The following PRKAA2 variants were observed in gnomAD, a reference collection of about 807,000 sequenced individuals.
PRKAA2 encodes the protein protein kinase AMP-activated catalytic subunit alpha 2.
PRKAA2 carries 40 observed loss-of-function variants against 56.3 expected under a neutral mutation model. The observed-to-expected ratio is 0.71, with a 90% CI of 0.55 to 0.92. The LOEUF is 0.92. Ranked by LOEUF, PRKAA2 falls within the 40% of genes least tolerant of loss-of-function variation. The pLI is 0.00. For synonymous variants in PRKAA2, 214 were observed against 234.2 expected, an observed-to-expected ratio of 0.91 and a Z score of 0.79; for missense variants, 542 against 686.9, an observed-to-expected ratio of 0.79 and a Z score of 2.36.
rs1286114328 is a variant in PRKAA2 at position 56,712,407 on chromosome 1, G to A, written c.*4694G>A. ...ATTTTAAGCAGTTGATTGTACTAAC[G>A]AGATGTAATTATCTGAAGTATTTAT... On this transcript the variant is annotated 3_prime_UTR_variant, in exon 9 of 9. Transcript: ENST00000371244. 3.9e-5 allele frequency: 6 copies of A among 152,268 alleles called. No homozygotes were observed. Among genetic ancestry groups the A allele is most frequent in the South Asian group, 2.1e-4 (1 of 4,820 alleles). 9.4% of individuals were successfully genotyped at this position (152,268 alleles called of 1,614,324 possible).
At chr1:56,663,076 G>A (rs1274157073) in intron 1 of PRKAA2, among the ~76,000 whole-genome samples, 1 of 151,876 alleles carries the variant, frequency 6.6e-6, no homozygotes, top group Non-Finnish European at 1.5e-5. Context: ...TCTGTTTTTT[G>A]TTTGTTTGTT....
chr1:56,673,339 A>G (rs911292597), intron 1 of PRKAA2, among the ~76,000 whole-genome samples: 1 of 152,192 alleles, frequency 6.6e-6, no homozygotes, highest in African/African-American at 2.4e-5. Context: ...ACTGCACTGC[A>G]TTCCAGCCTG....
rs909717665 is a variant in PRKAA2, at chr1:56,689,427, A to G, written c.237-1967A>G. Among the ~76,000 whole-genome samples, 4 of 152,212 alleles carry G rather than the reference A, an allele frequency of 2.6e-5. No homozygotes were observed. In the South Asian group the frequency reaches 6.2e-4, roughly 24 times the overall value. On this transcript the variant is annotated intron_variant, in intron 2 of 8. Transcript: ENST00000371244. ...AAGACTAATGATTGCCATTCAAAAT[A>G]TTTCTTCTGGCCAGGCTTGGTGGCT... is the stretch of plus-strand genomic sequence containing the variant.
intron 1 of PRKAA2, among the ~76,000 whole-genome samples, chr1:56,646,312 T>A (rs1044899486): frequency 6.6e-6 from 1 of 152,140 alleles, no homozygotes; most frequent in Non-Finnish European, 1.5e-5. Context: ...ATGGGAAGAC[T>A]TCTAGGGTAA....
intron 6 of PRKAA2, among the ~76,000 whole-genome samples, chr1:56,699,625 A>G (rs560352042): frequency 2.2e-4 from 34 of 152,316 alleles, no homozygotes; most frequent in Non-Finnish European, 8.8e-5. Context: ...CATATCATAA[A>G]TTTATCCCTT....
chr1:56,665,373 C>A (rs1644028124), intron 1 of PRKAA2, among the ~76,000 whole-genome samples: 1 of 152,162 alleles, frequency 6.6e-6, no homozygotes, highest in Non-Finnish European at 1.5e-5. Context: ...CACACCCAGC[C>A]TAGCTAGTAC....
At chr1:56,669,945 C>T (rs1488777044) in intron 1 of PRKAA2, among the ~76,000 whole-genome samples, 2 of 152,122 alleles carry the variant, frequency 1.3e-5, no homozygotes, top group African/African-American at 4.8e-5. Context: ...TTCACCTTAT[C>T]AAACGTAAAA....
intron 1 of PRKAA2, among the ~76,000 whole-genome samples, chr1:56,652,416 A>C (rs1643908785): frequency 6.6e-6 from 1 of 152,168 alleles, no homozygotes; most frequent in Non-Finnish European, 1.5e-5. Context: ...CGGCCTCCCA[A>C]AGTGCTGGGA....
At chr1:56,659,891 A>AAG (rs1643980544) in intron 1 of PRKAA2, among the ~76,000 whole-genome samples, 1 of 152,196 alleles carries the variant, frequency 6.6e-6, no homozygotes, top group African/African-American at 2.4e-5. Flanking sequence ...TTGTGTGACA[A>AAG]AGAGAGACCC....
chr1:56,685,369 G>A (rs1450550874), intron 2 of PRKAA2, among the ~76,000 whole-genome samples: 2 of 152,296 alleles, frequency 1.3e-5, no homozygotes, highest in South Asian at 4.1e-4. Flanking sequence ...GAAAAGGTAT[G>A]AGGAGGTATT....
intron 6 of PRKAA2, among the ~76,000 whole-genome samples, chr1:56,703,405 T>C (rs1644309279): frequency 6.6e-6 from 1 of 152,162 alleles, no homozygotes; most frequent in South Asian, 2.1e-4. Flanking sequence ...TTACTTTATA[T>C]CAAAGACAGC....
rs1220331190 is a variant in PRKAA2, at chr1:56,708,911, A to G, written c.*1198A>G. 2 of 152,088 alleles carry G rather than the reference A, an allele frequency of 1.3e-5. No homozygotes were observed. Among genetic ancestry groups the G allele is most frequent in the African/African-American group, 4.8e-5 (2 of 41,444 alleles). 9.4% of individuals were successfully genotyped at this position (152,088 alleles called of 1,614,324 possible). ...AAATAAATATATATATTCACACACCAGTGCTTTTAAGCAAAAACCAGTTTT... is the reference window on the plus strand; with the variant it reads ...AAATAAATATATATATTCACACACCGGTGCTTTTAAGCAAAAACCAGTTTT... On this transcript the variant is annotated 3_prime_UTR_variant, in exon 9 of 9. Transcript: ENST00000371244.
intron 2 of PRKAA2, among the ~76,000 whole-genome samples, chr1:56,683,219 T>C (rs1399688729): frequency 6.6e-6 from 1 of 151,904 alleles, no homozygotes; most frequent in African/African-American, 2.4e-5. Flanking sequence ...ACATTAAGGA[T>C]ATTGTTTTGG....
In PRKAA2 at chr1:56,689,541, A is replaced by G. The variant is rs533456422; in HGVS notation, c.237-1853A>G. 3.3e-5 allele frequency among the ~76,000 whole-genome samples: 5 copies of G among 152,114 alleles called. No homozygotes were observed. In the South Asian group the frequency reaches 1.0e-3, roughly 32 times the overall value. On this transcript the variant is annotated intron_variant, in intron 2 of 8. Coordinates refer to ENST00000371244, the MANE Select transcript of PRKAA2 (RefSeq NM_006252.4). ...GAGACCAGCCTGGCCAACATGGTGA[A>G]ACCCCCCTCTCTACTAAAAATACAA...
intron 1 of PRKAA2, among the ~76,000 whole-genome samples, chr1:56,674,010 A>G (rs961222130): frequency 1.3e-5 from 2 of 152,120 alleles, no homozygotes; most frequent in African/African-American, 2.4e-5. Flanking sequence ...AATGACTGGC[A>G]TTAAACAGAA....
rs374157257 is a variant in PRKAA2, at chr1:56,698,973, C to T, written c.788+2814C>T. Among the ~76,000 whole-genome samples, 36 of 152,202 alleles carry T rather than the reference C, an allele frequency of 2.4e-4. No homozygotes were observed. The South Asian group carries it at 3.3e-3, about 14-fold the overall frequency. On this transcript the variant is annotated intron_variant, in intron 6 of 8. Transcript: ENST00000371244. Reference sequence around the variant, plus strand: ...TTAATGTTATCATAGTTAAAGTGAGCGGTCTGAAGTTCAACTGAGCACAAA... The same window carrying T: ...TTAATGTTATCATAGTTAAAGTGAGTGGTCTGAAGTTCAACTGAGCACAAA...
intron 2 of PRKAA2, among the ~76,000 whole-genome samples, chr1:56,677,688 G>A (rs1203845487): frequency 1.4e-5 from 2 of 145,478 alleles, no homozygotes; most frequent in Admixed American, 1.4e-4. Context: ...ACAGAGCCTA[G>A]CTCTGTTGCC....
chr1:56,648,477 A>C (rs972398176), intron 1 of PRKAA2, among the ~76,000 whole-genome samples: 7 of 152,210 alleles, frequency 4.6e-5, no homozygotes, highest in African/African-American at 1.7e-4. Context: ...TCATGGTTTC[A>C]AGTTTTGGGC....
intron 2 of PRKAA2, among the ~76,000 whole-genome samples, chr1:56,683,739 A>G (rs1251365486): frequency 6.6e-6 from 1 of 152,136 alleles, no homozygotes; most frequent in African/African-American, 2.4e-5. Context: ...ACATAGAGGG[A>G]AGAGCAAATA....
Sources: gnomAD v4.1 joint callset for allele counts (sites outside exome capture counted in the v4.1 genomes callset) on GRCh38, gnomAD v4.1.1 for gene constraint, MANE v1.5 for transcripts, NCBI Gene and HGNC (gene_info 2026-07-23, HGNC 2026-07-21) for gene names.